The following CDH18 variants were observed in gnomAD, a reference collection of about 807,000 sequenced individuals.
CDH18 encodes cadherin-18.
A neutral mutation model predicts 67.9 loss-of-function variants in CDH18; 31 were observed. The ratio of observed to expected loss-of-function variants is 0.46; its 90% confidence interval spans 0.34 to 0.62. The LOEUF is 0.62. Among genes scored for constraint, CDH18 ranks in the 20% least tolerant of loss-of-function variants. CDH18 has a pLI of 0.01. For synonymous variants in CDH18, 362 were observed against 347.2 expected, an observed-to-expected ratio of 1.04 and a Z score of -0.48; for missense variants, 890 against 975.5, an observed-to-expected ratio of 0.91 and a Z score of 1.17.
intron 1 of CDH18, among the ~76,000 whole-genome samples, chr5:20,506,089 A>T (rs1217318885): frequency 6.6e-6 from 1 of 152,342 alleles, no homozygotes; most frequent in African/African-American, 2.4e-5. Flanking sequence ...CAATTCAGTT[A>T]GACACACAAA....
At chr5:19,929,527 G>A (rs1041513218) in intron 2 of CDH18, among the ~76,000 whole-genome samples, 1 of 152,038 alleles carries the variant, frequency 6.6e-6, no homozygotes, top group Non-Finnish European at 1.5e-5. Context: ...AGGCATTACG[G>A]ACACCTTCAG....
In CDH18 at chr5:20,421,963, T is replaced by C. The variant is rs770148001; in HGVS notation, c.-580+153499A>G. Among the ~76,000 whole-genome samples, 79 of 151,026 alleles carry C rather than the reference T, an allele frequency of 5.2e-4. 2 individuals are homozygous for C. Among genetic ancestry groups the C allele is most frequent in the Non-Finnish European group, 9.9e-4 (67 of 67,954 alleles). ...ACTCATCATTTAAAAACCTGTTTCA[T>C]CCATTTCTATAACCAAATATTATCT... On this transcript the variant is annotated intron_variant, in intron 1 of 14. Coordinates refer to the CDH18 transcript ENST00000507958.
Position 20,388,157 on chromosome 5 carries a change from T to C in CDH18, c.-579-132652A>G, listed in dbSNP as rs1180633803. Among the ~76,000 whole-genome samples, 7 of 152,220 alleles carry C rather than the reference T, an allele frequency of 4.6e-5. No individual in the cohort carries two copies. The East Asian group carries it at 1.2e-3, about 25-fold the overall frequency. Reference sequence around the variant, plus strand: ...AGAAGGAATGGCACCAGTTCCTCCTTGTACCTCTGGTAGAATTCGGCTGTG... The same window carrying C: ...AGAAGGAATGGCACCAGTTCCTCCTCGTACCTCTGGTAGAATTCGGCTGTG... On this transcript the variant is annotated intron_variant, in intron 1 of 14. Coordinates refer to the CDH18 transcript ENST00000507958.
intron 5 of CDH18, among the ~76,000 whole-genome samples, chr5:19,674,177 A>C (rs1172489716): frequency 6.6e-6 from 1 of 152,150 alleles, no homozygotes; most frequent in East Asian, 1.9e-4. Flanking sequence ...ATAAAAAACA[A>C]GAAATGTTTT....
intron 2 of CDH18, among the ~76,000 whole-genome samples, chr5:20,187,264 C>T (rs755112570): frequency 6.6e-6 from 1 of 151,548 alleles, no homozygotes; most frequent in Non-Finnish European, 1.5e-5. Flanking sequence ...ATAAAAATGG[C>T]TAAAATGGTA....
intron 8 of CDH18, among the ~76,000 whole-genome samples, chr5:19,549,703 A>C (rs1463474734): frequency 6.6e-6 from 1 of 150,468 alleles, no homozygotes; most frequent in East Asian, 1.9e-4. Flanking sequence ...AGAAAGAAGA[A>C]AGAAAGAAAG....
chr5:19,795,552 T>C (rs1776770437), intron 3 of CDH18, among the ~76,000 whole-genome samples: 1 of 152,066 alleles, frequency 6.6e-6, no homozygotes, highest in Non-Finnish European at 1.5e-5. Flanking sequence ...TAAATCACAG[T>C]CCACAAAAAT....
chr5:19,873,429 T>C (rs180765984), intron 2 of CDH18, among the ~76,000 whole-genome samples: 85 of 152,072 alleles, frequency 5.6e-4, no homozygotes, highest in Non-Finnish European at 1.5e-5. Context: ...AACCATACCA[T>C]AAAATATAAT....
At position 19,821,282 on chromosome 5, in the gene CDH18, G is replaced by T. The variant is rs562928191; in HGVS notation, c.228+17477C>A. ...ACTTGAACTTCTGGCATTGAAAAAGGTACTACAGGGAATTTCAAAACAAGT... is the reference window on the plus strand; with the variant it reads ...ACTTGAACTTCTGGCATTGAAAAAGTTACTACAGGGAATTTCAAAACAAGT... On this transcript the variant is annotated intron_variant, in intron 3 of 12. Coordinates refer to ENST00000382275, the MANE Select transcript of CDH18 (RefSeq NM_004934.5). Among the ~76,000 whole-genome samples the T allele has an allele frequency of 2.0e-5, 3 of 152,060 alleles. No individual in the cohort carries two copies. The South Asian group carries it at 6.2e-4, about 32-fold the overall frequency.
intron 8 of CDH18, among the ~76,000 whole-genome samples, chr5:19,553,633 CT>C (rs1021709184): frequency 0.12 from 13,478 of 108,792 alleles, 424 homozygotes; most frequent in Non-Finnish European, 0.14. Flanking sequence ...TGGTCTCATA[CT>C]TTTTTTTTTT....
intron 2 of CDH18, among the ~76,000 whole-genome samples, chr5:20,094,446 GCTCTTTTTTGGTTCCA>G (rs1375531007): frequency 6.6e-6 from 1 of 152,110 alleles, no homozygotes; most frequent in Non-Finnish European, 1.5e-5. Context: ...GGCTATACAA[GCTCTTTTTTGGTTCCA>G]TATGAAATTT....
chr5:20,463,268 C>A (rs1254896010), intron 1 of CDH18, among the ~76,000 whole-genome samples: 1 of 145,432 alleles, frequency 6.9e-6, no homozygotes, highest in African/African-American at 2.5e-5. Flanking sequence ...GGAGAGAATT[C>A]TTTGTAGAGT....
At chr5:20,414,571 A>G (rs546239466) in intron 1 of CDH18, among the ~76,000 whole-genome samples, 138 of 152,308 alleles carry the variant, frequency 9.1e-4, no homozygotes, top group Non-Finnish European at 1.6e-3. Flanking sequence ...GCATTACACA[A>G]TATATCCATG....
At chr5:19,525,565 TCTGGTGCA>T (rs1171165262) in intron 9 of CDH18, among the ~76,000 whole-genome samples, 11 of 152,200 alleles carry the variant, frequency 7.2e-5, no homozygotes, top group African/African-American at 2.7e-4. Flanking sequence ...TAAAGTAATT[TCTGGTGCA>T]AATTCAATAA....
intron 2 of CDH18, among the ~76,000 whole-genome samples, chr5:20,078,289 T>C (rs547513928): frequency 1.1e-3 from 173 of 152,048 alleles, no homozygotes; most frequent in African/African-American, 4.0e-3. Context: ...GGTGAAACCC[T>C]GTCTCTACTA....
intron 8 of CDH18, among the ~76,000 whole-genome samples, chr5:19,561,218 T>C (rs976741059): frequency 1.3e-5 from 2 of 152,176 alleles, no homozygotes; most frequent in Admixed American, 6.5e-5. Flanking sequence ...GGTATGTTTA[T>C]AGCAGCACAA....
At chr5:19,938,331 C>T (rs1031802111) in intron 2 of CDH18, among the ~76,000 whole-genome samples, 2 of 151,144 alleles carry the variant, frequency 1.3e-5, no homozygotes, top group Non-Finnish European at 3.0e-5. Context: ...GACTTCCTGA[C>T]TGAAACAACA....
At chr5:20,196,687 C>T (rs769398184) in intron 2 of CDH18, among the ~76,000 whole-genome samples, 1 of 152,142 alleles carries the variant, frequency 6.6e-6, no homozygotes, top group Admixed American at 6.5e-5. Flanking sequence ...AATATTTCTA[C>T]AACAGAGTTT....
chr5:19,788,069 A>G (rs1247102582), intron 3 of CDH18, among the ~76,000 whole-genome samples: 1 of 152,002 alleles, frequency 6.6e-6, no homozygotes, highest in Non-Finnish European at 1.5e-5. Context: ...ACTAATGCTG[A>G]TGGGAAAACC....
Sources: gnomAD v4.1 joint callset for allele counts (sites outside exome capture counted in the v4.1 genomes callset) on GRCh38, gnomAD v4.1.1 for gene constraint, MANE v1.5 for transcripts, NCBI Gene and HGNC (gene_info 2026-07-23, HGNC 2026-07-21) for gene names.